The following C6orf58 variants were observed in gnomAD, a reference collection of about 807,000 sequenced individuals.
C6orf58 encodes the protein protein LEG1 homolog.
A neutral mutation model predicts 37.0 loss-of-function variants in C6orf58; 30 were observed. That is an observed-to-expected ratio of 0.81 (90% CI 0.61 to 1.10). C6orf58 has a LOEUF of 1.10. C6orf58 is among the 50% of genes least tolerant of loss of function. The pLI is 0.00. For missense variants in C6orf58, 368 were observed against 387.5 expected, an observed-to-expected ratio of 0.95 and a Z score of 0.42; for synonymous variants, 143 against 134.1, an observed-to-expected ratio of 1.07 and a Z score of -0.46.
At chr6:127,587,141 T>C (rs1324414064) in intron 4 of C6orf58, among the ~76,000 whole-genome samples, 2 of 152,214 alleles carry the variant, frequency 1.3e-5, no homozygotes, top group African/African-American at 4.8e-5. Flanking sequence ...ATTTTCAGCT[T>C]CCAAAATCTT....
intron 5 of C6orf58, among the ~76,000 whole-genome samples, chr6:127,590,734 T>C (rs1775153806): frequency 6.6e-6 from 1 of 152,128 alleles, no homozygotes; most frequent in African/African-American, 2.4e-5. Context: ...ATGAAATTAC[T>C]AGCAATTTGG....
chr6:127,578,844 G>A, intron 2 of C6orf58, 72 bp downstream of exon 2: 2 of 1,093,122 alleles, frequency 1.8e-6, no homozygotes, highest in Non-Finnish European at 2.8e-6. Flanking sequence ...AAAATCTTAG[G>A]GACAGAGACA....
chr6:127,580,849 C>T (rs112272343), intron 3 of C6orf58, among the ~76,000 whole-genome samples: 2,737 of 152,022 alleles, frequency 0.018, 80 homozygotes, highest in African/African-American at 0.06. Flanking sequence ...TCTAATGAAA[C>T]ATTTTAAGAA....
intron 4 of C6orf58, among the ~76,000 whole-genome samples, chr6:127,583,444 G>A (rs1257948582): frequency 6.8e-6 from 1 of 147,644 alleles, no homozygotes; most frequent in African/African-American, 2.6e-5. Flanking sequence ...CATGTTGACA[G>A]AGGAGAAAAG....
At chr6:127,584,074 C>A (rs143077970) in intron 4 of C6orf58, among the ~76,000 whole-genome samples, 1 of 152,200 alleles carries the variant, frequency 6.6e-6, no homozygotes, top group East Asian at 1.9e-4. Context: ...AAAATGAGTG[C>A]CTATATTGCT....
chr6:127,588,717 T>C (rs147627341), intron 4 of C6orf58, among the ~76,000 whole-genome samples: 15 of 152,304 alleles, frequency 9.8e-5, no homozygotes, highest in African/African-American at 3.6e-4. Context: ...TTATTGAATT[T>C]CTTCACTGCT....
At chr6:127,583,836 A>G (rs936308601) in intron 4 of C6orf58, among the ~76,000 whole-genome samples, 1 of 152,228 alleles carries the variant, frequency 6.6e-6, no homozygotes, top group South Asian at 2.1e-4. Context: ...ATTTTGAGTC[A>G]TATCAGAGTT....
Position 127,580,361 on chromosome 6 carries a change from C to G in C6orf58, c.485C>G (p.Pro162Arg). Residue 162 changes from proline (P) to arginine (R), a missense_variant, in exon 3 of 6, where the codon CCC becomes CGC. By Grantham distance (103) the Pro-to-Arg change is moderately radical (BLOSUM62 -2). Coordinates refer to ENST00000329722, the MANE Select transcript of C6orf58 (RefSeq NM_001010905.3). ...SSDQVRLLPPPKNERKFCYDV... is the reference protein window; with the variant it reads ...SSDQVRLLPPRKNERKFCYDV... The stretch of plus-strand genomic sequence containing the variant: ...GACCAAGTCAGGCTTTTGCCCCCAC[C>G]CAAGAATGAGAGGAAGTTTTGTTAT... 1.2e-6 allele frequency: 2 copies of G among 1,612,862 alleles called. No homozygotes were observed. Among genetic ancestry groups the G allele is most frequent in the Non-Finnish European group, 1.7e-6 (2 of 1,179,180 alleles).
chr6:127,580,515 T>A (rs1775038330), intron 3 of C6orf58, 66 bp downstream of exon 3: 1 of 1,262,730 alleles, frequency 7.9e-7, no homozygotes, highest in East Asian at 2.3e-5. Flanking sequence ...TCGTCTAGGA[T>A]TTTTTTGTGC....
chr6:127,578,362 C>T (rs369593174), intron 1 of C6orf58, among the ~76,000 whole-genome samples: 76 of 152,012 alleles, frequency 5.0e-4, no homozygotes, highest in African/African-American at 1.8e-3. Context: ...TTTTGACTCT[C>T]GACCATCTCT....
At chr6:127,588,673 AC>A (rs1775130468) in intron 4 of C6orf58, among the ~76,000 whole-genome samples, 1 of 152,180 alleles carries the variant, frequency 6.6e-6, no homozygotes, top group Non-Finnish European at 1.5e-5. Context: ...GAACTGACCA[AC>A]AAATCATTCA....
chr6:127,581,962 C>T (rs932115253), intron 4 of C6orf58, among the ~76,000 whole-genome samples: 7 of 152,172 alleles, frequency 4.6e-5, no homozygotes, highest in African/African-American at 1.7e-4. Context: ...TGTTTACAAA[C>T]TACATTAAGT....
chr6:127,578,227 C>T (rs1775010768), intron 1 of C6orf58, among the ~76,000 whole-genome samples: 2 of 152,046 alleles, frequency 1.3e-5, no homozygotes, highest in African/African-American at 4.8e-5. Context: ...GGTGCTTTTT[C>T]TCACCTCACA....
intron 4 of C6orf58, among the ~76,000 whole-genome samples, chr6:127,584,254 C>T (rs1420107327): frequency 6.6e-6 from 1 of 152,134 alleles, no homozygotes; most frequent in Non-Finnish European, 1.5e-5. Context: ...CCAGCATGTG[C>T]CAAAAATATA....
At chr6:127,587,439 A>G (rs1775118722) in intron 4 of C6orf58, among the ~76,000 whole-genome samples, 1 of 152,138 alleles carries the variant, frequency 6.6e-6, no homozygotes, top group Non-Finnish European at 1.5e-5. Context: ...CAATTTGAAT[A>G]TTTTCAAAGG....
At chr6:127,584,501 A>G (rs1775087059) in intron 4 of C6orf58, among the ~76,000 whole-genome samples, 1 of 152,116 alleles carries the variant, frequency 6.6e-6, no homozygotes, top group Non-Finnish European at 1.5e-5. Context: ...ATATTTTTTT[A>G]AATGTCAGTT....
At chr6:127,582,184 GT>G (rs1444819624) in intron 4 of C6orf58, among the ~76,000 whole-genome samples, 1 of 152,064 alleles carries the variant, frequency 6.6e-6, no homozygotes, top group Non-Finnish European at 1.5e-5. Flanking sequence ...TTCTCTTTAT[GT>G]TTTCATTATT....
At chr6:127,579,924 C>A (rs1055432977) in intron 2 of C6orf58, among the ~76,000 whole-genome samples, 2 of 151,862 alleles carry the variant, frequency 1.3e-5, no homozygotes, top group African/African-American at 2.4e-5. Flanking sequence ...AGGTTTTGTA[C>A]CATTTTGTGG....
chr6:127,577,207 G>A lies in C6orf58; in HGVS notation c.22G>A (p.Val8Ile), dbSNP rs1002210126. MAFLPSW[V>I]CVLVGSFSAS... ...CACAATGGCTTTTCTTCCTTCCTGGGTTTGTGTACTAGTTGGTTCCTTTTC... is the reference window on the plus strand; with the variant it reads ...CACAATGGCTTTTCTTCCTTCCTGGATTTGTGTACTAGTTGGTTCCTTTTC... Residue 8 changes from valine to isoleucine, a missense_variant, in exon 1 of 6, where the codon GTT (valine) becomes ATT (isoleucine). Physicochemically the swap from Val to Ile is conservative, Grantham distance 29. Transcript: ENST00000329722. 3 of 1,613,332 alleles carry A rather than the reference G, an allele frequency of 1.9e-6. No individual in the cohort carries two copies. In the South Asian group the frequency reaches 3.3e-5, roughly 18 times the overall value.
Sources: allele counts gnomAD v4.1 joint callset (sites outside exome capture counted in the v4.1 genomes callset), GRCh38; gene constraint gnomAD v4.1.1; transcripts MANE v1.5; gene names NCBI Gene and HGNC (gene_info 2026-07-23, HGNC 2026-07-21).